Variants in FRAS1 observed in about 807,000 individuals in gnomAD.
FRAS1 encodes extracellular matrix organizing protein FRAS1.
A neutral mutation model predicts 435.2 loss-of-function variants in FRAS1; 290 were observed. That is an observed-to-expected ratio of 0.67 (90% CI 0.61 to 0.73). The LOEUF is 0.73. Among genes scored for constraint, FRAS1 ranks in the 30% least tolerant of loss-of-function variants. FRAS1 has a pLI of 0.00. For missense variants in FRAS1, 4,860 were observed against 5,001.5 expected (o/e 0.97, Z 0.85); for synonymous variants, 1,800 against 1,851.0 (o/e 0.97, Z 0.71).
chr4:78,405,154 A>G (rs1436510541), intron 30 of FRAS1, among the ~76,000 whole-genome samples: 1 of 152,202 alleles, frequency 6.6e-6, no homozygotes, highest in Non-Finnish European at 1.5e-5. Context: ...GTGATTTTTT[A>G]CATAAAAATT....
intron 50 of FRAS1, 25 bp downstream of exon 50, chr4:78,466,460 G>A (rs1236175996): frequency 1.3e-6 from 2 of 1,563,942 alleles, no homozygotes; most frequent in East Asian, 2.3e-5. Flanking sequence ...CACTGGAGGA[G>A]GTAGCCTAGC....
chr4:78,077,125 G>A (rs753654422), intron 2 of FRAS1, among the ~76,000 whole-genome samples: 1 of 152,138 alleles, frequency 6.6e-6, no homozygotes, highest in Non-Finnish European at 1.5e-5. Context: ...GATGAGGCAG[G>A]AGGACGCTTA....
At chr4:78,342,289 T>A (rs1730424232) in intron 20 of FRAS1, among the ~76,000 whole-genome samples, 1 of 152,124 alleles carries the variant, frequency 6.6e-6, no homozygotes, top group Non-Finnish European at 1.5e-5. Flanking sequence ...TGACATCAAA[T>A]CCAGCACACC....
At chr4:78,518,422 G>GTGTGTATATATATA (rs1397809156) in intron 66 of FRAS1, among the ~76,000 whole-genome samples, 21 of 135,744 alleles carry the variant, frequency 1.5e-4, no homozygotes, top group Non-Finnish European at 1.5e-5. Flanking sequence ...TTTTTGTTGT[G>GTGTGTATATATATA]TATATATATA....
intron 59 of FRAS1, among the ~76,000 whole-genome samples, chr4:78,493,511 C>G (rs942248216): frequency 6.6e-6 from 1 of 152,010 alleles, no homozygotes; most frequent in Non-Finnish European, 1.5e-5. Flanking sequence ...TGCAGGGACA[C>G]GGATGAAGCT....
At position 78,496,992 on chromosome 4, in the gene FRAS1, T is replaced by G. The variant is rs1279122351; in HGVS notation, c.9115+31T>G. 2.5e-6 allele frequency: 4 copies of G among 1,575,286 alleles called. No homozygotes were observed. In the African/African-American group the frequency reaches 4.1e-5, roughly 16 times the overall value. On this transcript the variant is annotated intron_variant, in intron 60 of 73. Transcript: ENST00000512123. Reference sequence around the variant, plus strand: ...AGAAGAAATTATCTTTAGTTACTCTTAGGTTGAGGGGACATAAACTGATGT... The same window carrying G: ...AGAAGAAATTATCTTTAGTTACTCTGAGGTTGAGGGGACATAAACTGATGT...
chr4:78,477,804 C>A lies in FRAS1; in HGVS notation c.7852-11C>A. ...GCACAGCTTAACTTCTTGTTGGTTC[C>A]TTTGTGACAGGTCCAGTTTGATGAG... On this transcript the variant is annotated splice_polypyrimidine_tract_variant and intron_variant, in intron 54 of 73. Transcript: ENST00000512123. 1.2e-6 allele frequency: 2 copies of A among 1,608,050 alleles called. No individual in the cohort carries two copies. The highest frequency in any genetic ancestry group is 2.2e-5 in the South Asian group (2 of 90,156).
Position 78,388,079 on chromosome 4 carries a change from A to G in FRAS1, c.3975+378A>G, listed in dbSNP as rs539334881. Among the ~76,000 whole-genome samples the G allele has an allele frequency of 2.0e-4, 30 of 152,286 alleles. No individual in the cohort carries two copies. The South Asian group carries it at 5.8e-3, about 29-fold the overall frequency. ...GGTGGCTCACGCCTCTAATCCCAGC[A>G]CTTTGGGAGGCTGAGGTGGGTGGAT... is the stretch of plus-strand genomic sequence containing the variant. On this transcript the variant is annotated intron_variant, in intron 29 of 73. Coordinates refer to ENST00000512123, the MANE Select transcript of FRAS1 (RefSeq NM_025074.7).
intron 31 of FRAS1, among the ~76,000 whole-genome samples, chr4:78,412,500 G>C (rs1733381610): frequency 6.6e-6 from 1 of 152,048 alleles, no homozygotes; most frequent in Non-Finnish European, 1.5e-5. Flanking sequence ...ACCTGTGCTG[G>C]TTAAAAATGA....
rs567449681 is a variant in FRAS1 at position 78,502,234 on chromosome 4, G to GT, written c.9316+2320dup. 4.3e-3 allele frequency among the ~76,000 whole-genome samples: 651 copies of GT among 152,206 alleles called. 6 individuals carry two copies. Among genetic ancestry groups the GT allele is most frequent in the African/African-American group, 0.015 (616 of 41,536 alleles). ...TTGGCTCCATATGAAATTTAAAGTAGTTTTTTTCCAATTCTGTGAAGAAAG... is the reference window on the plus strand; with the variant it reads ...TTGGCTCCATATGAAATTTAAAGTAGTTTTTTTTCCAATTCTGTGAAGAAAG... On this transcript the variant is annotated intron_variant, in intron 61 of 73. Transcript: ENST00000512123.
chr4:78,247,029 A>C (rs1268205340), intron 4 of FRAS1, among the ~76,000 whole-genome samples: 1 of 152,228 alleles, frequency 6.6e-6, no homozygotes, highest in Non-Finnish European at 1.5e-5. Context: ...GATTCAAAAA[A>C]TTAGTAAATC....
chr4:78,086,132 T>C (rs1301640711), intron 2 of FRAS1, among the ~76,000 whole-genome samples: 5 of 152,070 alleles, frequency 3.3e-5, no homozygotes, highest in Non-Finnish European at 7.4e-5. Flanking sequence ...CACTCAAAAC[T>C]GCTCAACTAC....
At chr4:78,499,421 C>T (rs987775604) in intron 60 of FRAS1, among the ~76,000 whole-genome samples, 5 of 152,034 alleles carry the variant, frequency 3.3e-5, no homozygotes, top group Non-Finnish European at 7.3e-5. Flanking sequence ...ACTGTAGTGC[C>T]GAGTTGGAAA....
intron 2 of FRAS1, among the ~76,000 whole-genome samples, chr4:78,137,474 A>G (rs142141357): frequency 0.017 from 2,593 of 152,284 alleles, 39 homozygotes; most frequent in Middle Eastern, 0.048. Flanking sequence ...TAGATTTTTT[A>G]TTTTTTAAAA....
At chr4:78,406,879 T>A (rs1254062198) in intron 30 of FRAS1, among the ~76,000 whole-genome samples, 2 of 152,112 alleles carry the variant, frequency 1.3e-5, no homozygotes, top group African/African-American at 4.8e-5. Flanking sequence ...AAATCTGAAA[T>A]CTGAAATGCT....
intron 32 of FRAS1, among the ~76,000 whole-genome samples, chr4:78,417,337 C>T (rs1308276805): frequency 6.6e-6 from 1 of 152,142 alleles, no homozygotes; most frequent in Non-Finnish European, 1.5e-5. Context: ...TCGCATGGTA[C>T]TCTGAGAATG....
intron 44 of FRAS1, among the ~76,000 whole-genome samples, chr4:78,449,398 G>A (rs573461701): frequency 2.4e-4 from 36 of 152,270 alleles, no homozygotes; most frequent in African/African-American, 8.4e-4. Context: ...TCTGAGAAAC[G>A]GCCTGGGTAA....
intron 3 of FRAS1, among the ~76,000 whole-genome samples, chr4:78,244,679 T>C (rs934327464): frequency 1.3e-5 from 2 of 152,190 alleles, no homozygotes; most frequent in African/African-American, 4.8e-5. Context: ...ACAATGTAGA[T>C]CTTTACTAGA....
chr4:78,320,020 T>C lies in FRAS1; in HGVS notation c.2137+1034T>C, dbSNP rs748272612. Among the ~76,000 whole-genome samples the C allele has an allele frequency of 3.2e-4, 49 of 152,224 alleles. 1 individual carries two copies. The highest frequency in any genetic ancestry group is 6.0e-4 in the Non-Finnish European group (41 of 68,042). Reference sequence around the variant, plus strand: ...TCAAAGATGGTTAAGAGTGTCAAAGTGGCCGGTAAATTATAAAGCCCTCCT... The same window carrying C: ...TCAAAGATGGTTAAGAGTGTCAAAGCGGCCGGTAAATTATAAAGCCCTCCT... On this transcript the variant is annotated intron_variant, in intron 18 of 73. Coordinates refer to ENST00000512123, the MANE Select transcript of FRAS1 (RefSeq NM_025074.7).
Sources: gnomAD v4.1 joint callset for allele counts (sites outside exome capture counted in the v4.1 genomes callset) on GRCh38, gnomAD v4.1.1 for gene constraint, MANE v1.5 for transcripts, NCBI Gene and HGNC (gene_info 2026-07-23, HGNC 2026-07-21) for gene names.